The following SOX6 variants were observed in gnomAD, a reference collection of about 807,000 sequenced individuals.
SOX6 encodes SRY-box transcription factor 6.
Under a neutral mutation model 97.8 loss-of-function variants are expected in SOX6, and 11 were observed. That is an observed-to-expected ratio of 0.11 (90% CI 0.07 to 0.19). SOX6 has a LOEUF of 0.19. SOX6 is among the 10% of genes least tolerant of loss of function. SOX6 has a pLI of 1.00. For synonymous variants in SOX6, 360 were observed against 371.4 expected (o/e 0.97, Z 0.35); for missense variants, 810 against 1,039.5 (o/e 0.78, Z 3.04).
At chr11:16,678,604 C>T (rs1847902479) in intron 3 of SOX6, among the ~76,000 whole-genome samples, 1 of 152,164 alleles carries the variant, frequency 6.6e-6, no homozygotes, top group African/African-American at 2.4e-5. Flanking sequence ...ACTGGTTGGA[C>T]AGTGGGTACA....
chr11:16,697,720 T>C (rs1848064481), intron 3 of SOX6, among the ~76,000 whole-genome samples: 1 of 152,242 alleles, frequency 6.6e-6, no homozygotes, highest in Admixed American at 6.5e-5. Flanking sequence ...ACTTGGAAGC[T>C]GAAATTACTC....
At chr11:16,367,932 T>C (rs932961899) in intron 1 of SOX6, among the ~76,000 whole-genome samples, 5 of 152,148 alleles carry the variant, frequency 3.3e-5, no homozygotes, top group African/African-American at 1.2e-4. Context: ...ACTGAAACTT[T>C]ATATAAAACA....
intron 9 of SOX6, among the ~76,000 whole-genome samples, chr11:16,079,279 A>G (rs567822981): frequency 6.6e-6 from 1 of 152,314 alleles, no homozygotes; most frequent in South Asian, 2.1e-4. Context: ...GTGTAATGAC[A>G]AGAAAAAGGT....
chr11:16,372,353 A>G (rs1857512810), intron 1 of SOX6, among the ~76,000 whole-genome samples: 1 of 152,138 alleles, frequency 6.6e-6, no homozygotes, highest in Non-Finnish European at 1.5e-5. Flanking sequence ...AGACATATGT[A>G]TATTTTCTAG....
At chr11:16,730,034 A>ATATATATG (rs1848337216) in intron 2 of SOX6, among the ~76,000 whole-genome samples, 1 of 148,568 alleles carries the variant, frequency 6.7e-6, no homozygotes, top group African/African-American at 2.5e-5. Flanking sequence ...TCCTAAATAT[A>ATATATATG]TATATATATA....
intron 1 of SOX6, chr11:16,402,948 C>A: frequency 1.0e-6 from 1 of 1,000,924 alleles, no homozygotes; most frequent in Non-Finnish European, 1.5e-6. Flanking sequence ...ATTTTTACAC[C>A]AAGGTGGGGG....
chr11:16,448,909 C>A lies in SOX6; in HGVS notation c.-5+27406G>T, dbSNP rs543609783. Among the ~76,000 whole-genome samples the A allele has an allele frequency of 4.6e-5, 7 of 152,206 alleles. No homozygotes were observed. The East Asian group carries it at 9.7e-4, about 21-fold the overall frequency. On this transcript the variant is annotated intron_variant, in intron 1 of 15. Transcript: ENST00000396356. The stretch of plus-strand genomic sequence containing the variant: ...AGTTAGCTGTGAACAGTAATGCACA[C>A]TTATAAAGCTGTATATTAAGACTAA...
intron 6 of SOX6, among the ~76,000 whole-genome samples, chr11:16,148,742 G>A (rs866376434): frequency 2.0e-5 from 3 of 151,934 alleles, no homozygotes; most frequent in African/African-American, 2.4e-5. Flanking sequence ...GCATTCCCTC[G>A]TGTAGGCTGT....
chr11:16,033,905 A>G (rs928631226), intron 12 of SOX6, among the ~76,000 whole-genome samples: 5 of 152,004 alleles, frequency 3.3e-5, no homozygotes, highest in Non-Finnish European at 7.4e-5. Context: ...AATAAATAGA[A>G]AGAAAGAAAA....
chr11:16,427,761 G>C (rs944332882), intron 1 of SOX6, among the ~76,000 whole-genome samples: 1 of 152,160 alleles, frequency 6.6e-6, no homozygotes, highest in African/African-American at 2.4e-5. Context: ...CCAAGACTTT[G>C]CTATTGTGAA....
chr11:15,998,028 T>C (rs929908611), intron 13 of SOX6, among the ~76,000 whole-genome samples: 1 of 151,482 alleles, frequency 6.6e-6, no homozygotes, highest in East Asian at 1.9e-4. Flanking sequence ...TGCAGTGAGC[T>C]GAGATCATGC....
At chr11:16,153,699 A>G (rs1850520833) in intron 6 of SOX6, among the ~76,000 whole-genome samples, 1 of 152,152 alleles carries the variant, frequency 6.6e-6, no homozygotes, top group African/African-American at 2.4e-5. Flanking sequence ...AACCATGCTT[A>G]CAACTTCCAG....
chr11:16,159,529 G>T (rs1372902260), intron 6 of SOX6, among the ~76,000 whole-genome samples: 4 of 151,980 alleles, frequency 2.6e-5, no homozygotes, highest in African/African-American at 7.2e-5. Flanking sequence ...GTGAACTTGT[G>T]AACTGATAGA....
chr11:16,651,947 C>A (rs1353003349), intron 3 of SOX6, among the ~76,000 whole-genome samples: 1 of 152,100 alleles, frequency 6.6e-6, no homozygotes, highest in Non-Finnish European at 1.5e-5. Flanking sequence ...GTACACAAAT[C>A]ATTAGCACTG....
intron 1 of SOX6, among the ~76,000 whole-genome samples, chr11:16,475,672 C>T (rs1042290693): frequency 9.9e-5 from 15 of 152,010 alleles, no homozygotes; most frequent in Admixed American, 3.3e-4. Flanking sequence ...AATAATGAGA[C>T]AGTTTGAAAT....
At chr11:16,538,470 TAAC>T (rs1000919036) in intron 4 of SOX6, among the ~76,000 whole-genome samples, 3 of 152,112 alleles carry the variant, frequency 2.0e-5, no homozygotes, top group Admixed American at 6.5e-5. Flanking sequence ...AATTCACACA[TAAC>T]AATATTAACC....
intron 3 of SOX6, among the ~76,000 whole-genome samples, chr11:16,298,863 T>C (rs1221370204): frequency 6.6e-6 from 1 of 152,010 alleles, no homozygotes; most frequent in Non-Finnish European, 1.5e-5. Flanking sequence ...AAGATGAAGA[T>C]AGAGTTTTAA....
At chr11:16,037,314 T>C (rs1440019510) in intron 12 of SOX6, among the ~76,000 whole-genome samples, 3 of 152,260 alleles carry the variant, frequency 2.0e-5, no homozygotes, top group African/African-American at 2.4e-5. Context: ...TGGGGTGACA[T>C]AGCATTAAGT....
chr11:16,408,961 T>G (rs1429451694), intron 1 of SOX6: 2 of 152,032 alleles, frequency 1.3e-5, no homozygotes, highest in African/African-American at 2.4e-5. Context: ...GAAGGAGAAG[T>G]TCTACCCTTT....
Sources: gnomAD v4.1 joint callset for allele counts (sites outside exome capture counted in the v4.1 genomes callset) on GRCh38, gnomAD v4.1.1 for gene constraint, MANE v1.5 for transcripts, NCBI Gene and HGNC (gene_info 2026-07-23, HGNC 2026-07-21) for gene names.